Variants in SORCS3 observed in about 807,000 individuals in gnomAD.
The protein encoded by SORCS3 is VPS10 domain-containing receptor SorCS3.
Under a neutral mutation model 146.3 loss-of-function variants are expected in SORCS3, and 57 were observed. The ratio of observed to expected loss-of-function variants is 0.39; its 90% CI spans 0.31 to 0.49. SORCS3 has a LOEUF of 0.49. SORCS3 is among the 20% of genes least tolerant of loss of function. SORCS3 has a pLI of 0.92. For missense variants in SORCS3, 1,341 were observed against 1,575.5 expected, an observed-to-expected ratio of 0.85 and a Z score of 2.52; for synonymous variants, 653 against 618.5, an observed-to-expected ratio of 1.06 and a Z score of -0.83.
At position 104,731,240 on chromosome 10, in the gene SORCS3, A is replaced by G. The variant is rs115510513; in HGVS notation, c.627+89286A>G. On this transcript the variant is annotated intron_variant, in intron 1 of 26. Transcript: ENST00000369701. ...ACACCATCACCCTCCATTCATTCAC[A>G]TATGCTCCAGACAGCTACTTCTCTG... Among the ~76,000 whole-genome samples, 1,134 of 152,308 alleles carry G rather than the reference A, an allele frequency of 7.4e-3. 11 individuals are homozygous for G. The highest frequency in any genetic ancestry group is 0.026 in the African/African-American group (1,076 of 41,574).
chr10:105,217,953 C>T, intron 19 of SORCS3: 1 of 447,938 alleles, frequency 2.2e-6, no homozygotes, highest in Non-Finnish European at 4.5e-6. Context: ...ACATACCCCA[C>T]AAGAGTTTCC....
intron 7 of SORCS3, among the ~76,000 whole-genome samples, chr10:105,123,425 T>C (rs2055949540): frequency 6.6e-6 from 1 of 152,222 alleles, no homozygotes. Context: ...ATACTTGGGA[T>C]GTACTTAATT....
At position 105,218,984 on chromosome 10, in the gene SORCS3, C is replaced by T. The variant is rs140527325; in HGVS notation, c.2734+1862C>T. ...GAGCCAAAATCACGCCACTGTACTC[C>T]AGCCTGGGAGACAGAGCGAGACCCC... On this transcript the variant is annotated intron_variant, in intron 19 of 26. Transcript: ENST00000369701. Among the ~76,000 whole-genome samples the T allele has an allele frequency of 2.1e-3, 315 of 152,178 alleles. 2 individuals are homozygous for T. Among genetic ancestry groups the T allele is most frequent in the African/African-American group, 7.1e-3 (295 of 41,536 alleles).
At chr10:104,962,979 G>A (rs2054804899) in intron 3 of SORCS3, among the ~76,000 whole-genome samples, 1 of 152,124 alleles carries the variant, frequency 6.6e-6, no homozygotes, top group Non-Finnish European at 1.5e-5. Flanking sequence ...ATATATGGTT[G>A]TTTTTCATAT....
intron 4 of SORCS3, among the ~76,000 whole-genome samples, chr10:105,000,336 A>ATGTG (rs60887637): frequency 0.095 from 14,224 of 149,386 alleles, 904 homozygotes; most frequent in African/African-American, 0.18. Flanking sequence ...ACGTGTGTTC[A>ATGTG]TGTGTGTGTG....
intron 1 of SORCS3, among the ~76,000 whole-genome samples, chr10:104,837,342 C>T (rs915736267): frequency 5.3e-5 from 8 of 152,104 alleles, no homozygotes; most frequent in Admixed American, 1.3e-4. Context: ...GTTATATGTA[C>T]CTATATGTAC....
At chr10:104,675,371 T>C (rs552872264) in intron 1 of SORCS3, among the ~76,000 whole-genome samples, 3 of 152,246 alleles carry the variant, frequency 2.0e-5, no homozygotes, top group Non-Finnish European at 4.4e-5. Flanking sequence ...ATATTTATTG[T>C]AGATATCTTC....
chr10:105,129,001 T>C (rs577473210), intron 7 of SORCS3, among the ~76,000 whole-genome samples: 2 of 152,120 alleles, frequency 1.3e-5, no homozygotes, highest in Non-Finnish European at 2.9e-5. Context: ...TAATAAATGA[T>C]GGAGCTGAAA....
At chr10:105,012,312 A>G (rs1390679322) in intron 4 of SORCS3, among the ~76,000 whole-genome samples, 1 of 152,186 alleles carries the variant, frequency 6.6e-6, no homozygotes, top group African/African-American at 2.4e-5. Context: ...AAACTGGAGC[A>G]GGTCAAGAAA....
intron 4 of SORCS3, among the ~76,000 whole-genome samples, chr10:104,992,653 T>C (rs1279114502): frequency 2.6e-5 from 4 of 152,338 alleles, no homozygotes; most frequent in African/African-American, 9.6e-5. Flanking sequence ...CATTCACTCA[T>C]GCAACAGGAA....
chr10:105,166,576 G>T (rs1445800380), intron 12 of SORCS3, among the ~76,000 whole-genome samples: 1 of 152,126 alleles, frequency 6.6e-6, no homozygotes, highest in Non-Finnish European at 1.5e-5. Context: ...GGGATGGATG[G>T]TTGGATGGAA....
chr10:104,927,153 A>G (rs2019157121), intron 3 of SORCS3, among the ~76,000 whole-genome samples: 1 of 152,216 alleles, frequency 6.6e-6, no homozygotes, highest in Non-Finnish European at 1.5e-5. Context: ...AACATTTTTC[A>G]CAAAGTATTA....
intron 4 of SORCS3, among the ~76,000 whole-genome samples, chr10:105,025,837 AACACACACACACACAC>A (rs57597161): frequency 9.6e-5 from 13 of 135,416 alleles, no homozygotes; most frequent in South Asian, 2.5e-4. Flanking sequence ...TGTCTTCTCA[AACACACACACACACAC>A]ACACACACAC....
At chr10:105,058,516 C>G (rs1477528905) in intron 5 of SORCS3, among the ~76,000 whole-genome samples, 3 of 152,170 alleles carry the variant, frequency 2.0e-5, no homozygotes, top group Non-Finnish European at 2.9e-5. Flanking sequence ...GGAAACATAC[C>G]TTCATCCATT....
At chr10:104,644,128 G>T (rs1190589487) in intron 1 of SORCS3, among the ~76,000 whole-genome samples, 1 of 152,216 alleles carries the variant, frequency 6.6e-6, no homozygotes, top group African/African-American at 2.4e-5. Flanking sequence ...GGGGACTGGA[G>T]CAGTTGGGCT....
In SORCS3 at chr10:104,738,040, C is replaced by T. The variant is rs11192177; in HGVS notation, c.627+96086C>T. ...CCATTTATTAAATAGGGAATCCTTTCCCCATTGCTTGTTTTTCTCAAGTTT... is the reference window on the plus strand; with the variant it reads ...CCATTTATTAAATAGGGAATCCTTTTCCCATTGCTTGTTTTTCTCAAGTTT... On this transcript the variant is annotated intron_variant, in intron 1 of 26. Coordinates refer to ENST00000369701, the MANE Select transcript of SORCS3 (RefSeq NM_014978.3). 8.9e-3 allele frequency among the ~76,000 whole-genome samples: 1,350 copies of T among 152,008 alleles called. 24 individuals are homozygous for T. Among genetic ancestry groups the T allele is most frequent in the African/African-American group, 0.031 (1,282 of 41,436 alleles).
chr10:105,246,655 G>C (rs532331617), intron 21 of SORCS3, among the ~76,000 whole-genome samples: 3 of 152,318 alleles, frequency 2.0e-5, no homozygotes, highest in Non-Finnish European at 4.4e-5. Context: ...TTCTTTCAAA[G>C]TAAACATTTT....
In SORCS3 at chr10:104,736,888, G is replaced by A. The variant is rs180748615; in HGVS notation, c.627+94934G>A. Among the ~76,000 whole-genome samples the A allele has an allele frequency of 3.0e-3, 456 of 151,528 alleles. 1 individual carries two copies. Among genetic ancestry groups the A allele is most frequent in the Non-Finnish European group, 5.0e-3 (342 of 67,922 alleles). Reference sequence around the variant, plus strand: ...GCTGGTGTGCTGCACCCATTAACTCGTCATTTAGCATTAGGTTTATCTCCT... The same window carrying A: ...GCTGGTGTGCTGCACCCATTAACTCATCATTTAGCATTAGGTTTATCTCCT... On this transcript the variant is annotated intron_variant, in intron 1 of 26. Transcript: ENST00000369701.
At chr10:104,804,082 G>A (rs2017655350) in intron 1 of SORCS3, among the ~76,000 whole-genome samples, 1 of 152,182 alleles carries the variant, frequency 6.6e-6, no homozygotes, top group South Asian at 2.1e-4. Context: ...GGCATAAACG[G>A]TTCTATTATT....
Sources: allele counts gnomAD v4.1 joint callset (sites outside exome capture counted in the v4.1 genomes callset), GRCh38; gene constraint gnomAD v4.1.1; transcripts MANE v1.5; gene names NCBI Gene and HGNC (gene_info 2026-07-23, HGNC 2026-07-21).